The following RIMS2 variants were observed in gnomAD, a reference collection of about 807,000 sequenced individuals.
RIMS2 encodes regulating synaptic membrane exocytosis 2.
In RIMS2, 59 loss-of-function variants were observed where a neutral mutation model predicts 174.4. That is an observed-to-expected ratio of 0.34 (90% CI 0.27 to 0.42). RIMS2 has a LOEUF of 0.42. Ranked by LOEUF, RIMS2 falls within the 10% of genes least tolerant of loss-of-function variation. The pLI, the probability that RIMS2 is intolerant of heterozygous loss-of-function variation, is 1.00. For synonymous variants in RIMS2, 606 were observed against 572.5 expected (o/e 1.06, Z -0.84); for missense variants, 1,620 against 1,666.3 (o/e 0.97, Z 0.48).
intron 3 of RIMS2, among the ~76,000 whole-genome samples, chr8:103,854,574 A>G (rs538497180): frequency 1.5e-4 from 22 of 151,692 alleles, no homozygotes; most frequent in African/African-American, 5.3e-4. Context: ...TTAATCATGA[A>G]GAGATGTTGG....
At chr8:104,006,205 T>C (rs567287404) in intron 17 of RIMS2, among the ~76,000 whole-genome samples, 1 of 152,276 alleles carries the variant, frequency 6.6e-6, no homozygotes, top group African/African-American at 2.4e-5. Context: ...TTTCAATCTT[T>C]CTTCCTTTAC....
chr8:103,975,327 A>G (rs367586976), intron 15 of RIMS2, 23 bp from the exon 18 acceptor site: 5 of 1,570,920 alleles, frequency 3.2e-6, no homozygotes, highest in Non-Finnish European at 4.4e-6. Flanking sequence ...TAACTATAAT[A>G]TTTATTAATT....
At chr8:103,534,686 T>C (rs1171085031) in intron 1 of RIMS2, among the ~76,000 whole-genome samples, 1 of 152,220 alleles carries the variant, frequency 6.6e-6, no homozygotes, top group Non-Finnish European at 1.5e-5. Context: ...ATACTAACTT[T>C]GAATCCCAAT....
At position 103,796,518 on chromosome 8, in the gene RIMS2, T is replaced by G. The variant is rs1445095440; in HGVS notation, c.698+29981T>G. On this transcript the variant is annotated intron_variant, in intron 3 of 23. Transcript: ENST00000504942. Reference sequence around the variant, plus strand: ...GAGACTCACTATTATTTATCTTTTCTTACCTCATCTCACACCACTTTTTTT... The same window carrying G: ...GAGACTCACTATTATTTATCTTTTCGTACCTCATCTCACACCACTTTTTTT... Among the ~76,000 whole-genome samples, 5 of 152,174 alleles carry G rather than the reference T, an allele frequency of 3.3e-5. 1 individual carries two copies. The South Asian group carries it at 8.3e-4, about 25-fold the overall frequency.
intron 17 of RIMS2, chr8:103,998,236 T>C: frequency 6.2e-7 from 1 of 1,608,222 alleles, no homozygotes; most frequent in Non-Finnish European, 8.5e-7. Context: ...TTGACCATCA[T>C]CACAGGGATG....
chr8:103,900,956 G>T (rs2173081), intron 4 of RIMS2, among the ~76,000 whole-genome samples: 24,976 of 151,858 alleles, frequency 0.16, 2,188 homozygotes, highest in Middle Eastern at 0.26. Flanking sequence ...CATTAGTTGC[G>T]CATCTGTCTT....
chr8:103,944,559 T>C (rs2083277173), intron 14 of RIMS2, among the ~76,000 whole-genome samples: 1 of 152,004 alleles, frequency 6.6e-6, no homozygotes, highest in Non-Finnish European at 1.5e-5. Context: ...ACATTTTTCA[T>C]TTTTTTCCCC....
intron 11 of RIMS2, among the ~76,000 whole-genome samples, chr8:103,929,762 A>C (rs1403546339): frequency 6.6e-6 from 1 of 151,964 alleles, no homozygotes; most frequent in Non-Finnish European, 1.5e-5. Context: ...CCAGAAGAAT[A>C]GTCTCTTTTT....
At chr8:104,072,150 A>G (rs2097207433) in intron 19 of RIMS2, among the ~76,000 whole-genome samples, 1 of 152,174 alleles carries the variant, frequency 6.6e-6, no homozygotes, top group Admixed American at 6.5e-5. Flanking sequence ...TGGATCACCT[A>G]TCTCCCCATC....
chr8:104,198,541 C>A (rs569135653), intron 19 of RIMS2, among the ~76,000 whole-genome samples: 1 of 152,340 alleles, frequency 6.6e-6, no homozygotes, highest in Non-Finnish European at 1.5e-5. Context: ...TCACAAGAGT[C>A]ACAATTGAAA....
intron 11 of RIMS2, among the ~76,000 whole-genome samples, chr8:103,928,153 T>G (rs1443535145): frequency 6.6e-6 from 1 of 151,618 alleles, no homozygotes; most frequent in African/African-American, 2.4e-5. Context: ...TGGCATTTAA[T>G]GTAGATTTAA....
At chr8:103,880,664 G>A (rs1202250360) in intron 3 of RIMS2, 6 of 537,542 alleles carry the variant, frequency 1.1e-5, no homozygotes, top group Non-Finnish European at 6.9e-6. Context: ...CTTCATGCTC[G>A]ACAGATGTGC....
At chr8:103,789,028 G>A (rs1309678959) in intron 3 of RIMS2, among the ~76,000 whole-genome samples, 2 of 152,172 alleles carry the variant, frequency 1.3e-5, no homozygotes, top group Non-Finnish European at 1.5e-5. Flanking sequence ...GGAGTGACCC[G>A]ATTTTCCAGG....
chr8:104,014,761 A>G (rs2095857064), intron 19 of RIMS2, 146 bp downstream of exon 21: 1 of 425,152 alleles, frequency 2.4e-6, no homozygotes, highest in Admixed American at 3.9e-5. Context: ...ATTTATAAAT[A>G]TTATGTATTT....
intron 1 of RIMS2, among the ~76,000 whole-genome samples, chr8:103,675,071 C>T (rs776031351): frequency 3.9e-5 from 6 of 152,062 alleles, no homozygotes; most frequent in African/African-American, 7.2e-5. Flanking sequence ...CCACCATGGC[C>T]GGCTAATTTT....
At chr8:104,222,157 A>G (rs2099158290) in intron 19 of RIMS2, among the ~76,000 whole-genome samples, 1 of 152,094 alleles carries the variant, frequency 6.6e-6, no homozygotes. Flanking sequence ...ATTTGCATTC[A>G]TCTCCTTTTT....
chr8:103,645,366 A>G (rs1444702424), intron 1 of RIMS2, among the ~76,000 whole-genome samples: 1 of 152,170 alleles, frequency 6.6e-6, no homozygotes, highest in Admixed American at 6.6e-5. Context: ...ATAGATACCA[A>G]TTATATTTGT....
chr8:103,553,372 C>T (rs1417639911), intron 1 of RIMS2, among the ~76,000 whole-genome samples: 4 of 151,968 alleles, frequency 2.6e-5, no homozygotes, highest in African/African-American at 9.7e-5. Flanking sequence ...TGCATGTTCT[C>T]ACTCATAGGT....
chr8:104,184,163 C>A (rs2098956013), intron 19 of RIMS2, among the ~76,000 whole-genome samples: 1 of 151,574 alleles, frequency 6.6e-6, no homozygotes. Flanking sequence ...GATTTTTTGT[C>A]TTGAACAGGT....
Sources: gnomAD v4.1 joint callset for allele counts (sites outside exome capture counted in the v4.1 genomes callset) on GRCh38, gnomAD v4.1.1 for gene constraint, MANE v1.5 for transcripts, NCBI Gene and HGNC (gene_info 2026-07-23, HGNC 2026-07-21) for gene names.